Variants in CERS6 observed in about 807,000 individuals in gnomAD.
CERS6 encodes ceramide synthase 6.
In CERS6, 26 loss-of-function variants were observed where a neutral mutation model predicts 56.8. The ratio of observed to expected loss-of-function variants is 0.46; its 90% CI spans 0.34 to 0.63. CERS6 has a LOEUF of 0.63. Among genes scored for constraint, CERS6 ranks in the 30% least tolerant of loss-of-function variants. The pLI is 0.01. For missense variants in CERS6, 415 were observed against 467.5 expected, an observed-to-expected ratio of 0.89 and a Z score of 1.04; for synonymous variants, 164 against 173.3, an observed-to-expected ratio of 0.95 and a Z score of 0.42.
intron 4 of CERS6, among the ~76,000 whole-genome samples, chr2:168,686,943 C>T (rs1382142087): frequency 6.6e-6 from 1 of 152,156 alleles, no homozygotes; most frequent in Non-Finnish European, 1.5e-5. Context: ...CTCATACATA[C>T]AATCCAGAGG....
At chr2:168,517,075 A>T (rs928123905) in intron 1 of CERS6, among the ~76,000 whole-genome samples, 2 of 152,040 alleles carry the variant, frequency 1.3e-5, no homozygotes, top group African/African-American at 4.8e-5. Flanking sequence ...GGAACACCTG[A>T]TTTGGAAGAG....
intron 3 of CERS6, among the ~76,000 whole-genome samples, chr2:168,565,723 T>C (rs1695872693): frequency 6.6e-6 from 1 of 152,228 alleles, no homozygotes. Context: ...TGCTAATACA[T>C]TGACATGATT....
chr2:168,625,310 A>G (rs772328309), intron 3 of CERS6, among the ~76,000 whole-genome samples: 5 of 152,304 alleles, frequency 3.3e-5, no homozygotes, highest in East Asian at 1.9e-4. Context: ...CCAAATTTCT[A>G]TCAGATTGAT....
In CERS6 at chr2:168,645,348, C is replaced by T. The variant is rs181225910; in HGVS notation, c.465+14306C>T. Among the ~76,000 whole-genome samples, 651 of 150,254 alleles carry T rather than the reference C, an allele frequency of 4.3e-3. 3 individuals are homozygous for T. Among genetic ancestry groups the T allele is most frequent in the Middle Eastern group, 6.8e-3 (2 of 292 alleles). On this transcript the variant is annotated intron_variant, in intron 4 of 9. Transcript: ENST00000305747. ...CTTTTCCCACAGAGATGAGAAAGCA[C>T]TTTTTCATTTAGAGTCTCTAACTTA...
chr2:168,616,598 A>G (rs1050752630), intron 3 of CERS6, among the ~76,000 whole-genome samples: 2 of 152,234 alleles, frequency 1.3e-5, no homozygotes, highest in Non-Finnish European at 2.9e-5. Flanking sequence ...CTTATATTAG[A>G]CAAAACAAAC....
At chr2:168,497,413 G>A (rs1165318418) in intron 1 of CERS6, among the ~76,000 whole-genome samples, 1 of 151,662 alleles carries the variant, frequency 6.6e-6, no homozygotes, top group Non-Finnish European at 1.5e-5. Flanking sequence ...GAGAAAGAAG[G>A]AAAGAAAGAA....
chr2:168,562,367 G>C (rs113237473), intron 3 of CERS6, among the ~76,000 whole-genome samples: 4,560 of 152,262 alleles, frequency 0.03, 174 homozygotes, highest in Admixed American at 0.073. Flanking sequence ...CAGGGGACCG[G>C]CACTCAGCAC....
At chr2:168,657,444 C>T (rs1032286056) in intron 4 of CERS6, among the ~76,000 whole-genome samples, 1 of 152,264 alleles carries the variant, frequency 6.6e-6, no homozygotes, top group Non-Finnish European at 1.5e-5. Flanking sequence ...GCTCGCATTC[C>T]TCAGCCCTTG....
intron 3 of CERS6, among the ~76,000 whole-genome samples, chr2:168,575,998 C>T (rs919194025): frequency 8.5e-5 from 13 of 152,090 alleles, no homozygotes; most frequent in African/African-American, 2.4e-4. Flanking sequence ...GAGAGGAGCA[C>T]AGAGCGTTTA....
intron 8 of CERS6, among the ~76,000 whole-genome samples, chr2:168,764,723 G>A (rs959468678): frequency 2.2e-4 from 33 of 151,938 alleles, no homozygotes; most frequent in East Asian, 3.9e-4. Context: ...GGCATTCTTC[G>A]CGCTTATTTA....
intron 2 of CERS6, among the ~76,000 whole-genome samples, chr2:168,550,374 C>T (rs1312932905): frequency 1.3e-5 from 2 of 152,142 alleles, no homozygotes; most frequent in Non-Finnish European, 2.9e-5. Flanking sequence ...GATAGGGCCT[C>T]ACTATGTTGC....
intron 6 of CERS6, among the ~76,000 whole-genome samples, chr2:168,701,892 A>G (rs1050478611): frequency 6.6e-6 from 1 of 152,164 alleles, no homozygotes; most frequent in Non-Finnish European, 1.5e-5. Context: ...ATATTTTTGT[A>G]CAACCGATGC....
At chr2:168,492,892 ATTTTG>A (rs1268351927) in intron 1 of CERS6, among the ~76,000 whole-genome samples, 1 of 152,124 alleles carries the variant, frequency 6.6e-6, no homozygotes, top group African/African-American at 2.4e-5. Context: ...TCTAAATGTA[ATTTTG>A]TTTTAATTTT....
rs1370140847 is a variant in CERS6 at position 168,672,779 on chromosome 2, G to A, written c.466-18255G>A. Among the ~76,000 whole-genome samples the A allele has an allele frequency of 2.0e-5, 3 of 152,102 alleles. 1 individual carries two copies. Among genetic ancestry groups the A allele is most frequent in the South Asian group, 4.2e-4 (2 of 4,818 alleles). ...TTCAGCCTCTTGACATAGTTCAATT[G>A]CATTAATCTATCCTACTTGTATCTT... On this transcript the variant is annotated intron_variant, in intron 4 of 9. Transcript: ENST00000305747.
At chr2:168,634,376 A>T (rs1423195040) in intron 4 of CERS6, among the ~76,000 whole-genome samples, 1 of 152,106 alleles carries the variant, frequency 6.6e-6, no homozygotes, top group Non-Finnish European at 1.5e-5. Flanking sequence ...ATTTTTTCTT[A>T]TAAACTACAT....
intron 3 of CERS6, among the ~76,000 whole-genome samples, chr2:168,582,030 C>G (rs926632378): frequency 2.0e-5 from 3 of 152,218 alleles, no homozygotes; most frequent in African/African-American, 7.2e-5. Flanking sequence ...TGGTCATGAT[C>G]ACAGTTGTGG....
At chr2:168,633,950 C>A (rs1477259102) in intron 4 of CERS6, among the ~76,000 whole-genome samples, 2 of 152,162 alleles carry the variant, frequency 1.3e-5, no homozygotes, top group Non-Finnish European at 2.9e-5. Context: ...CTTCTAGAAT[C>A]AAAAATATGG....
At chr2:168,688,183 A>C (rs1286183073) in intron 4 of CERS6, among the ~76,000 whole-genome samples, 4 of 152,144 alleles carry the variant, frequency 2.6e-5, no homozygotes, top group Non-Finnish European at 5.9e-5. Context: ...GTGTATTTTT[A>C]ATCACCATTC....
chr2:168,628,285 G>A (rs1684636140), intron 3 of CERS6, among the ~76,000 whole-genome samples: 1 of 152,130 alleles, frequency 6.6e-6, no homozygotes, highest in Admixed American at 6.5e-5. Context: ...TGCTCACAGA[G>A]GGGATGTGTG....
Sources: allele counts gnomAD v4.1 joint callset (sites outside exome capture counted in the v4.1 genomes callset), GRCh38; gene constraint gnomAD v4.1.1; transcripts MANE v1.5; gene names NCBI Gene and HGNC (gene_info 2026-07-23, HGNC 2026-07-21).